ASTN1: variants seen among roughly 807,000 people sequenced by gnomAD.
The protein encoded by ASTN1 is astrotactin 1.
In ASTN1, 41 loss-of-function variants were observed where a neutral mutation model predicts 140.7. The ratio of observed to expected loss-of-function variants is 0.29; its 90% confidence interval spans 0.23 to 0.38. The LOEUF is 0.38. Among genes scored for constraint, ASTN1 ranks in the 10% least tolerant of loss-of-function variants. The pLI, the probability that ASTN1 is intolerant of heterozygous loss-of-function variation, is 1.00. For missense variants in ASTN1, 1,479 were observed against 1,678.8 expected (o/e 0.88, Z 2.08); for synonymous variants, 640 against 652.2 (o/e 0.98, Z 0.29).
intron 2 of ASTN1, among the ~76,000 whole-genome samples, chr1:177,052,143 C>A (rs377566799): frequency 6.6e-6 from 1 of 152,142 alleles, no homozygotes; most frequent in African/African-American, 2.4e-5. Context: ...TGGCCCTATT[C>A]TATTGTCCTG....
chr1:176,994,400 G>A (rs1056024195), intron 8 of ASTN1, among the ~76,000 whole-genome samples: 2 of 151,960 alleles, frequency 1.3e-5, no homozygotes, highest in Admixed American at 1.3e-4. Context: ...CCAGACTGGA[G>A]TGCAGTAGCA....
At position 176,957,795 on chromosome 1, in the gene ASTN1, G is replaced by T. The variant is rs1457570004; in HGVS notation, c.1770C>A (p.Ser590Arg). 1 of 1,613,936 alleles carries T rather than the reference G, an allele frequency of 6.2e-7. No individual in the cohort carries two copies. Among genetic ancestry groups the T allele is most frequent in the East Asian group, 2.2e-5 (1 of 44,874 alleles). The change falls in exon 11 of 23, where the codon AGC becomes AGA. Residue 590 changes from serine to arginine, a missense_variant. Ser to Arg is a moderately radical substitution (Grantham distance 110). Transcript: ENST00000361833. ...EELMTSSSFD[S>R]LEVLLDSFGP... ...CAAAGGAATCTAAGAGAACCTCCAGGCTGTCGAAGGAGGATGAAGTCATCA... is the reference window on the plus strand; with the variant it reads ...CAAAGGAATCTAAGAGAACCTCCAGTCTGTCGAAGGAGGATGAAGTCATCA...
At chr1:176,979,254 C>T (rs1403680856) in intron 8 of ASTN1, among the ~76,000 whole-genome samples, 2 of 152,138 alleles carry the variant, frequency 1.3e-5, no homozygotes, top group African/African-American at 2.4e-5. Context: ...TGCCCATTGC[C>T]TCTCTCTCCC....
At chr1:177,051,275 A>G (rs1335933173) in intron 2 of ASTN1, among the ~76,000 whole-genome samples, 1 of 152,234 alleles carries the variant, frequency 6.6e-6, no homozygotes, top group Admixed American at 6.5e-5. Context: ...TGTAGTCTTT[A>G]TGTGGGTTCT....
At chr1:177,100,922 G>A (rs760695423) in intron 1 of ASTN1, among the ~76,000 whole-genome samples, 42 of 152,008 alleles carry the variant, frequency 2.8e-4, no homozygotes, top group Non-Finnish European at 5.0e-4. Context: ...GTAAAACTCC[G>A]TCTCTAATAA....
At chr1:176,923,746 G>A (rs1248478409) in intron 16 of ASTN1, among the ~76,000 whole-genome samples, 1 of 152,004 alleles carries the variant, frequency 6.6e-6, no homozygotes, top group Non-Finnish European at 1.5e-5. Context: ...GGCATCCACT[G>A]GGGTCTTGGA....
At chr1:177,102,820 A>G (rs1351713081) in intron 1 of ASTN1, among the ~76,000 whole-genome samples, 1 of 152,198 alleles carries the variant, frequency 6.6e-6, no homozygotes, top group Non-Finnish European at 1.5e-5. Context: ...ATTATTCTTA[A>G]CATCATAGAA....
intron 1 of ASTN1, among the ~76,000 whole-genome samples, chr1:177,088,917 C>T (rs1679603445): frequency 1.3e-5 from 2 of 151,974 alleles, no homozygotes; most frequent in Non-Finnish European, 2.9e-5. Context: ...AAATGCTTTC[C>T]TTAAGGTTAA....
rs1056212997 is a variant in ASTN1 at position 176,884,283 on chromosome 1, T to C, written c.3226+56A>G. ...AGCCATGAGGCAGGGCATTTTTCTT[T>C]GTTTTAGTTTTATCACCTTGGATCA... On this transcript the variant is annotated intron_variant, in intron 19 of 22. Coordinates refer to ENST00000361833, the MANE Select transcript of ASTN1 (RefSeq NM_004319.3). 12 of 1,565,878 alleles carry C rather than the reference T, an allele frequency of 7.7e-6. No individual in the cohort carries two copies. The African/African-American group carries it at 1.6e-4, about 21-fold the overall frequency.
chr1:176,859,649 T>A (rs1385958085), downstream of ASTN1, among the ~76,000 whole-genome samples: 3 of 152,098 alleles, frequency 2.0e-5, no homozygotes, highest in Admixed American at 1.3e-4. Flanking sequence ...CCAGGCAGTG[T>A]GGCAGGCACC....
Position 176,992,132 on chromosome 1 carries a change from CT to C in ASTN1, c.1523+22658del, listed in dbSNP as rs374171591. On this transcript the variant is annotated intron_variant, in intron 8 of 22. Coordinates refer to ENST00000361833, the MANE Select transcript of ASTN1 (RefSeq NM_004319.3). ...CAATTCAAAATATCTCACAGTGCCC[CT>C]GTAAGATTGCTGCCATCCCCCAAGT... is the stretch of plus-strand genomic sequence containing the variant. Among the ~76,000 whole-genome samples, 27 of 152,218 alleles carry C rather than the reference CT, an allele frequency of 1.8e-4. No individual in the cohort carries two copies. In the East Asian group the frequency reaches 5.0e-3, roughly 28 times the overall value.
At chr1:176,868,821 G>A in intron 22 of ASTN1, 23 bp downstream of exon 22, 3 of 1,577,122 alleles carry the variant, frequency 1.9e-6, no homozygotes, top group South Asian at 2.4e-5. Context: ...TCTTTAAAAG[G>A]GTTGACTTAG....
In ASTN1 at chr1:176,869,093, A is replaced by T. The variant is rs1668239321; in HGVS notation, c.3464-66T>A. The T allele has an allele frequency of 2.7e-6, 3 of 1,113,488 alleles. No individual in the cohort carries two copies. In the Admixed American group the frequency reaches 9.3e-5, roughly 35 times the overall value. The allele number at this position is 1,113,488 out of a possible 1,614,324, so 69.0% of individuals were successfully genotyped here. ...TATAATAATGTATATATATACACAC[A>T]TTATATATGATCTATATCATATAGA... On this transcript the variant is annotated intron_variant, in intron 21 of 22. Coordinates refer to ENST00000361833, the MANE Select transcript of ASTN1 (RefSeq NM_004319.3).
intron 16 of ASTN1, among the ~76,000 whole-genome samples, chr1:176,899,447 T>C (rs966443698): frequency 1.3e-5 from 2 of 152,206 alleles, no homozygotes; most frequent in Non-Finnish European, 2.9e-5. Flanking sequence ...TATAGGATTC[T>C]GAGGCTGCTT....
At chr1:176,890,315 A>G (rs1480342432) in intron 17 of ASTN1, among the ~76,000 whole-genome samples, 1 of 152,220 alleles carries the variant, frequency 6.6e-6, no homozygotes, top group African/African-American at 2.4e-5. Context: ...ATGAGGATGC[A>G]ACTTTTTATC....
chr1:177,086,534 T>C (rs1679477173), intron 1 of ASTN1, among the ~76,000 whole-genome samples: 1 of 152,166 alleles, frequency 6.6e-6, no homozygotes, highest in Admixed American at 6.5e-5. Flanking sequence ...GATGGATAAA[T>C]GATGTTATGC....
At chr1:177,086,092 A>G (rs1056539233) in intron 1 of ASTN1, among the ~76,000 whole-genome samples, 52 of 152,070 alleles carry the variant, frequency 3.4e-4, no homozygotes, top group African/African-American at 1.2e-3. Flanking sequence ...TTCAAACTCA[A>G]TAATTATGAT....
intron 1 of ASTN1, among the ~76,000 whole-genome samples, chr1:177,110,498 C>G (rs1314079442): frequency 6.6e-6 from 1 of 152,042 alleles, no homozygotes; most frequent in African/African-American, 2.4e-5. Context: ...TCTTTTCCAG[C>G]GATGCTCTAG....
At chr1:177,068,821 CTTTT>C (rs763780306) in intron 1 of ASTN1, among the ~76,000 whole-genome samples, 3 of 135,396 alleles carry the variant, frequency 2.2e-5, no homozygotes, top group Admixed American at 7.4e-5. Context: ...TCTTTCTTTT[CTTTT>C]TTTTTTTTTT....
Sources: allele counts gnomAD v4.1 joint callset (sites outside exome capture counted in the v4.1 genomes callset), GRCh38; gene constraint gnomAD v4.1.1; transcripts MANE v1.5; gene names NCBI Gene and HGNC (gene_info 2026-07-23, HGNC 2026-07-21).